Variants in RPS6KA3 observed in about 807,000 individuals in gnomAD.
RPS6KA3 encodes the protein ribosomal protein S6 kinase alpha-3.
RPS6KA3 carries 4 observed loss-of-function variants against 67.2 expected under a neutral mutation model. The observed-to-expected ratio is 0.06, with a 90% CI of 0.03 to 0.14. The LOEUF is 0.14. Among genes scored for constraint, RPS6KA3 ranks in the 10% least tolerant of loss-of-function variants. RPS6KA3 has a pLI of 1.00. For missense variants in RPS6KA3, 204 were observed against 559.0 expected, an observed-to-expected ratio of 0.36 and a Z score of 6.40; for synonymous variants, 182 against 183.7, an observed-to-expected ratio of 0.99 and a Z score of 0.07.
At chrX:20,252,090 T>C (rs1969126285) in intron 1 of RPS6KA3, among the ~76,000 whole-genome samples, 1 of 112,492 alleles carries the variant, frequency 8.9e-6, no homozygotes, top group African/African-American at 3.2e-5. Flanking sequence ...CATTCTTCTA[T>C]CTAGCCCATG....
intron 3 of RPS6KA3, 104 bp downstream of exon 3, chrX:20,209,184 T>C (rs2068646338): frequency 1.8e-6 from 1 of 544,439 alleles, no homozygotes; most frequent in African/African-American, 2.3e-5. Context: ...ACATTGCTGG[T>C]AGGAAGACTG....
Position 20,266,690 on chromosome X carries a change from G to C in RPS6KA3, c.-58C>G, listed in dbSNP as rs373750361. ...CTCCCTCCCCGCCCGCCCCACGGCC[G>C]GCCCCGCTCCGTCGCCGCCCGAGCC... On this transcript the variant is annotated 5_prime_UTR_variant, in exon 1 of 22. Coordinates refer to ENST00000379565, the MANE Select transcript of RPS6KA3 (RefSeq NM_004586.3). 2.2e-5 allele frequency: 19 copies of C among 865,808 alleles called. No homozygotes were observed. The highest frequency in any genetic ancestry group is 1.9e-4 in the African/African-American group (8 of 42,915). 71.4% of individuals were successfully genotyped at this position (865,808 alleles called of 1,213,427 possible). A position where few individuals can be genotyped will look rare whatever the true frequency, so the allele number is the denominator to read the frequency against.
intron 17 of RPS6KA3, among the ~76,000 whole-genome samples, chrX:20,167,202 C>A (rs1346431688): frequency 8.9e-6 from 1 of 111,949 alleles, no homozygotes; most frequent in Non-Finnish European, 1.9e-5. Context: ...CCAGCCGAAG[C>A]ATGTGACTCC....
At chrX:20,219,282 A>T (rs2068932711) in intron 2 of RPS6KA3, among the ~76,000 whole-genome samples, 1 of 111,730 alleles carries the variant, frequency 9.0e-6, no homozygotes, top group Non-Finnish European at 1.9e-5. Flanking sequence ...AAACTGATGC[A>T]CAAGTGGAAT....
intron 2 of RPS6KA3, among the ~76,000 whole-genome samples, chrX:20,230,903 A>G (rs188485409): frequency 1.3e-4 from 15 of 111,941 alleles, no homozygotes; most frequent in African/African-American, 4.5e-4. Flanking sequence ...AAGACTATAC[A>G]ACTATAAAAT....
chrX:20,199,802 G>A (rs2068376126), intron 4 of RPS6KA3, among the ~76,000 whole-genome samples: 2 of 112,228 alleles, frequency 1.8e-5, no homozygotes, highest in South Asian at 7.3e-4. Context: ...AGGACTGGGA[G>A]TGAGACCAGC....
At chrX:20,192,699 C>T (rs1293560883) in intron 7 of RPS6KA3, among the ~76,000 whole-genome samples, 1 of 100,632 alleles carries the variant, frequency 9.9e-6, no homozygotes, top group African/African-American at 3.7e-5. Flanking sequence ...GCCCCAAGCT[C>T]AAGCAATCCT....
At chrX:20,266,445 C>A in intron 1 of RPS6KA3, 119 bp downstream of exon 1, 1 of 599,086 alleles carries the variant, frequency 1.7e-6, no homozygotes, top group Non-Finnish European at 2.6e-6. Context: ...AACCCTGAGC[C>A]CGGGGGAAAG....
rs372321414 is a variant in RPS6KA3, at chrX:20,252,424, T to C, written c.69+14140A>G. Among the ~76,000 whole-genome samples the C allele has an allele frequency of 1.7e-4, 19 of 110,518 alleles. No individual in the cohort carries two copies. The South Asian group carries it at 1.9e-3, about 11-fold the overall frequency. ...TTCCTATTTAATCTTTTTTTTTTTT[T>C]CCCCGAAGCAGGCAGTCCTCCTGTT... On this transcript the variant is annotated intron_variant, in intron 1 of 21. Transcript: ENST00000379565.
At chrX:20,244,769 A>G (rs985127320) in intron 1 of RPS6KA3, among the ~76,000 whole-genome samples, 1 of 112,362 alleles carries the variant, frequency 8.9e-6, no homozygotes, top group African/African-American at 3.2e-5. Flanking sequence ...TTTTGTAATA[A>G]AAGTGGAGAA....
chrX:20,225,472 A>C (rs1290010898), intron 2 of RPS6KA3, among the ~76,000 whole-genome samples: 1 of 110,809 alleles, frequency 9.0e-6, no homozygotes, highest in African/African-American at 3.3e-5. Context: ...ACTTAAATCT[A>C]CTAGGGTATT....
At chrX:20,172,557 T>C (rs773618732) in intron 15 of RPS6KA3, among the ~76,000 whole-genome samples, 189 bp downstream of exon 15, 51 of 111,684 alleles carry the variant, frequency 4.6e-4, no homozygotes, top group Admixed American at 3.0e-3. Context: ...CTGGGAAAAC[T>C]AGATATATAA....
intron 2 of RPS6KA3, among the ~76,000 whole-genome samples, chrX:20,223,677 CTT>C (rs954630377): frequency 1.8e-5 from 2 of 111,994 alleles, no homozygotes; most frequent in African/African-American, 6.5e-5. Context: ...CACAGCCAAT[CTT>C]GTTTCATATG....
At chrX:20,188,056 T>C (rs1339638369) in intron 8 of RPS6KA3, 86 bp from the exon 9 acceptor site, 3 of 890,532 alleles carry the variant, frequency 3.4e-6, no homozygotes, top group Non-Finnish European at 4.8e-6. Flanking sequence ...TCATTTAAAA[T>C]TTCTAATACA....
chrX:20,239,345 C>G (rs907800184), intron 1 of RPS6KA3, among the ~76,000 whole-genome samples: 3 of 111,611 alleles, frequency 2.7e-5, no homozygotes, highest in Admixed American at 1.9e-4. Context: ...GAAGAAGTAT[C>G]GGAGAGTGTT....
intron 2 of RPS6KA3, chrX:20,218,867 A>T (rs756920226): frequency 2.5e-5 from 30 of 1,182,036 alleles, no homozygotes; most frequent in Non-Finnish European, 3.2e-5. Context: ...GTGATAAAAG[A>T]ATTTCTGACG....
At chrX:20,175,486 T>C (rs780873730) in intron 13 of RPS6KA3, among the ~76,000 whole-genome samples, 198 bp from the exon 14 acceptor site, 1 of 111,865 alleles carries the variant, frequency 8.9e-6, no homozygotes, top group Non-Finnish European at 1.9e-5. Flanking sequence ...AACACCAACA[T>C]CCTAGTCCCT....
chrX:20,170,760 T>C (rs112313069), intron 15 of RPS6KA3, among the ~76,000 whole-genome samples: 7,500 of 109,116 alleles, frequency 0.069, 645 homozygotes, highest in African/African-American at 0.23. Flanking sequence ...CACAGGCACA[T>C]ACCACTACAC....
At chrX:20,158,390 AGAG>A (rs1305245843) in intron 20 of RPS6KA3, among the ~76,000 whole-genome samples, 8 of 87,298 alleles carry the variant, frequency 9.2e-5, no homozygotes, top group African/African-American at 3.3e-4. Flanking sequence ...AAAAAAAAAG[AGAG>A]AGAGAGAGAG....
Sources: allele counts gnomAD v4.1 joint callset (sites outside exome capture counted in the v4.1 genomes callset), GRCh38; gene constraint gnomAD v4.1.1; transcripts MANE v1.5; gene names NCBI Gene and HGNC (gene_info 2026-07-23, HGNC 2026-07-21).